Variants in TGFA observed in about 807,000 individuals in gnomAD.
TGFA encodes protransforming growth factor alpha.
Under a neutral mutation model 21.7 loss-of-function variants are expected in TGFA, and 12 were observed. The ratio of observed to expected loss-of-function variants is 0.55; its 90% CI spans 0.35 to 0.90. The LOEUF is 0.90. Ranked by LOEUF, TGFA falls within the 40% of genes least tolerant of loss-of-function variation. TGFA has a pLI of 0.01. For synonymous variants in TGFA, 79 were observed against 88.1 expected, an observed-to-expected ratio of 0.90 and a Z score of 0.58; for missense variants, 178 against 210.8, an observed-to-expected ratio of 0.84 and a Z score of 0.96.
chr2:70,479,201 T>C (rs782480114), intron 2 of TGFA, among the ~76,000 whole-genome samples: 3 of 152,244 alleles, frequency 2.0e-5, no homozygotes, highest in Non-Finnish European at 4.4e-5. Context: ...TGTTATCTAG[T>C]TGAAGAGGCT....
At chr2:70,454,560 C>T (rs1450592583) in intron 4 of TGFA, among the ~76,000 whole-genome samples, 3 of 152,216 alleles carry the variant, frequency 2.0e-5, no homozygotes, top group Non-Finnish European at 2.9e-5. Context: ...GCCAGGTGGA[C>T]TTGTCCTTGT....
chr2:70,538,554 G>A (rs1437039856), intron 1 of TGFA, among the ~76,000 whole-genome samples: 2 of 152,200 alleles, frequency 1.3e-5, no homozygotes, highest in African/African-American at 4.8e-5. Context: ...ACTTTGAGGG[G>A]TTTGAGACTT....
intron 2 of TGFA, among the ~76,000 whole-genome samples, chr2:70,483,100 T>C (rs1272894193): frequency 1.3e-5 from 2 of 152,230 alleles, no homozygotes; most frequent in Non-Finnish European, 2.9e-5. Context: ...TCCAACTGAA[T>C]ATTTTGATTT....
At chr2:70,552,688 G>C (rs1032982656) in intron 1 of TGFA, among the ~76,000 whole-genome samples, 5 of 152,240 alleles carry the variant, frequency 3.3e-5, no homozygotes, top group Admixed American at 6.5e-5. Flanking sequence ...TGTACACGGA[G>C]CTGGGTGAGG....
chr2:70,484,855 G>A (rs376743315), intron 2 of TGFA, among the ~76,000 whole-genome samples: 1 of 152,276 alleles, frequency 6.6e-6, no homozygotes, highest in African/African-American at 2.4e-5. Context: ...TTTTGTTCAA[G>A]TTAGTTGGAA....
At chr2:70,534,060 C>T (rs944492276) in intron 1 of TGFA, among the ~76,000 whole-genome samples, 8 of 152,116 alleles carry the variant, frequency 5.3e-5, no homozygotes, top group Non-Finnish European at 7.4e-5. Context: ...GATGCAGACC[C>T]GAACCAGATA....
At chr2:70,458,499 C>T (rs1164598449) in intron 3 of TGFA, among the ~76,000 whole-genome samples, 2 of 152,160 alleles carry the variant, frequency 1.3e-5, no homozygotes, top group Admixed American at 1.3e-4. Flanking sequence ...TCCCCACCCC[C>T]AGCCCAGTGT....
intron 2 of TGFA, among the ~76,000 whole-genome samples, chr2:70,514,031 A>T (rs1414093959): frequency 6.6e-6 from 1 of 152,206 alleles, no homozygotes; most frequent in Non-Finnish European, 1.5e-5. Flanking sequence ...AGGTGGAAAA[A>T]GCTTCTAGGC....
chr2:70,465,540 T>G (rs140344784), intron 3 of TGFA, 76 bp downstream of exon 3: 5 of 1,583,576 alleles, frequency 3.2e-6, no homozygotes, highest in Non-Finnish European at 4.3e-6. Flanking sequence ...GCAAGTCTTA[T>G]GGAGGTAAAT....
intron 1 of TGFA, among the ~76,000 whole-genome samples, chr2:70,526,512 G>A (rs531008882): frequency 2.6e-5 from 4 of 152,294 alleles, no homozygotes; most frequent in Non-Finnish European, 5.9e-5. Flanking sequence ...TAGTTGTATG[G>A]GCAGAATCTC....
chr2:70,457,493 CT>C (rs1670270579), intron 3 of TGFA, among the ~76,000 whole-genome samples: 1 of 151,498 alleles, frequency 6.6e-6, no homozygotes, highest in Non-Finnish European at 1.5e-5. Flanking sequence ...GAGTAACATT[CT>C]TATCGTCAAT....
chr2:70,476,109 T>TAAAAAAAAAAAAAAA (rs1670926055), intron 2 of TGFA, among the ~76,000 whole-genome samples: 22 of 78,524 alleles, frequency 2.8e-4, no homozygotes, highest in East Asian at 1.3e-3. Context: ...AAAAAAAAAT[T>TAAAAAAAAAAAAAAA]AAGAAAATTA....
At chr2:70,548,605 G>A (rs1673389161) in intron 1 of TGFA, among the ~76,000 whole-genome samples, 1 of 152,206 alleles carries the variant, frequency 6.6e-6, no homozygotes, top group African/African-American at 2.4e-5. Context: ...AACGTGCTAG[G>A]CATAGAACTC....
intron 2 of TGFA, among the ~76,000 whole-genome samples, chr2:70,471,467 G>T (rs1164907575): frequency 6.6e-6 from 1 of 152,228 alleles, no homozygotes; most frequent in Non-Finnish European, 1.5e-5. Flanking sequence ...TACGAGCCTC[G>T]TGAGCTGATG....
At chr2:70,524,918 T>C (rs782303820) in intron 1 of TGFA, among the ~76,000 whole-genome samples, 1 of 152,182 alleles carries the variant, frequency 6.6e-6, no homozygotes, top group Non-Finnish European at 1.5e-5. Flanking sequence ...ATTGGCCCCA[T>C]CTCAACTTCC....
At chr2:70,511,503 A>G (rs782127514) in intron 2 of TGFA, among the ~76,000 whole-genome samples, 1 of 152,252 alleles carries the variant, frequency 6.6e-6, no homozygotes, top group Non-Finnish European at 1.5e-5. Context: ...GCAAGATACA[A>G]AAACATGAAA....
At chr2:70,455,865 G>T (rs935491122) in intron 4 of TGFA, among the ~76,000 whole-genome samples, 14 of 152,214 alleles carry the variant, frequency 9.2e-5, no homozygotes, top group African/African-American at 2.9e-4. Flanking sequence ...GAGGGGCAGA[G>T]AAGTGGACAA....
intron 1 of TGFA, among the ~76,000 whole-genome samples, chr2:70,546,433 A>C (rs964314990): frequency 3.3e-5 from 5 of 152,080 alleles, no homozygotes; most frequent in Non-Finnish European, 7.4e-5. Context: ...AATGGTGCCC[A>C]ATAGACAGTT....
intron 2 of TGFA, among the ~76,000 whole-genome samples, chr2:70,475,205 G>A (rs1232472635): frequency 6.6e-6 from 1 of 152,162 alleles, no homozygotes; most frequent in African/African-American, 2.4e-5. Flanking sequence ...TTAACCCAAT[G>A]TAGAATTTTC....
Sources: allele counts gnomAD v4.1 joint callset (sites outside exome capture counted in the v4.1 genomes callset), GRCh38; gene constraint gnomAD v4.1.1; transcripts MANE v1.5; gene names NCBI Gene and HGNC (gene_info 2026-07-23, HGNC 2026-07-21).